The following FXR1 variants were observed in gnomAD, a reference collection of about 807,000 sequenced individuals.
FXR1 encodes FMR1 autosomal homolog 1.
FXR1 carries 15 observed loss-of-function variants against 84.0 expected under a neutral mutation model. That is an observed-to-expected ratio of 0.18 (90% CI 0.12 to 0.27). The LOEUF (loss-of-function observed/expected upper bound fraction) is 0.27, where lower values mean the gene tolerates loss of function less well. Ranked by LOEUF, FXR1 falls within the 10% of genes least tolerant of loss-of-function variation. The pLI, the probability that FXR1 is intolerant of heterozygous loss-of-function variation, is 1.00. For synonymous variants in FXR1, 245 were observed against 250.7 expected (o/e 0.98, Z 0.21); for missense variants, 480 against 774.4 (o/e 0.62, Z 4.51).
At chr3:180,976,015 T>TTAATTA (rs2108500043) in intron 16 of FXR1, 107 bp from the exon 17 acceptor site, 2 of 794,568 alleles carry the variant, frequency 2.5e-6, no homozygotes, top group South Asian at 3.8e-5. Context: ...TTGTGGTATA[T>TTAATTA]AAAACTGAAA....
At chr3:180,938,090 A>G (rs1263309670) in intron 3 of FXR1, among the ~76,000 whole-genome samples, 13 of 152,226 alleles carry the variant, frequency 8.5e-5, no homozygotes, top group Admixed American at 8.5e-4. Flanking sequence ...TAACCACCTC[A>G]AAATTATTTG....
At position 180,976,769 on chromosome 3, in the gene FXR1, T is replaced by C. The variant is rs1363810605; in HGVS notation, c.*477T>C. The C allele has an allele frequency of 6.5e-6, 1 of 152,766 alleles. No individual in the cohort carries two copies. Among genetic ancestry groups the C allele is most frequent in the African/African-American group, 2.4e-5 (1 of 41,474 alleles). 9.5% of individuals were successfully genotyped at this position (152,766 alleles called of 1,614,324 possible). On this transcript the variant is annotated 3_prime_UTR_variant, in exon 17 of 17. Transcript: ENST00000357559. ...AGTTTAGTCTGGAAACTGGTCTGTTTTAATGTGTTTTTTAAATGCTGTATG... is the reference window on the plus strand; with the variant it reads ...AGTTTAGTCTGGAAACTGGTCTGTTCTAATGTGTTTTTTAAATGCTGTATG...
At chr3:180,914,717 C>A in intron 1 of FXR1, 2 of 806,322 alleles carry the variant, frequency 2.5e-6, no homozygotes, top group African/African-American at 1.9e-5. Context: ...GATCTCTATA[C>A]ATATCTACAA....
chr3:180,951,178 A>G (rs1376661531), intron 7 of FXR1, 120 bp from the exon 8 acceptor site: 2 of 616,158 alleles, frequency 3.2e-6, no homozygotes, highest in African/African-American at 1.9e-5. Context: ...AGCCATGATC[A>G]CGCCACTGCA....
At chr3:180,938,886 T>TTTTTTTA (rs534409540) in intron 3 of FXR1, among the ~76,000 whole-genome samples, 10 of 151,908 alleles carry the variant, frequency 6.6e-5, no homozygotes, top group South Asian at 2.1e-4. Flanking sequence ...TCTTAGGCAA[T>TTTTTTTA]TTTTTTATTT....
chr3:180,967,962 T>C, intron 13 of FXR1, 89 bp from the exon 14 acceptor site: 1 of 843,916 alleles, frequency 1.2e-6, no homozygotes, highest in South Asian at 1.4e-5. Flanking sequence ...TATTGCTTAT[T>C]TAAACAATAA....
intron 1 of FXR1, among the ~76,000 whole-genome samples, chr3:180,931,937 CACTGTCTT>C (rs2108441895): frequency 5.9e-5 from 9 of 151,532 alleles, no homozygotes; most frequent in Admixed American, 5.9e-4. Flanking sequence ...GATGGGATTC[CACTGTCTT>C]GCCTAGGATG....
chr3:180,963,100 AATTTTTTT>A lies in FXR1; in HGVS notation c.1198+11_1198+18del. On this transcript the variant is annotated intron_variant, in intron 13 of 16. Coordinates refer to ENST00000357559, the MANE Select transcript of FXR1 (RefSeq NM_005087.4). Reference sequence around the variant, plus strand: ...TACACCTCCGGTTATGGTAAAAAAAAATTTTTTTTTTTTTTTTTTGGTAATAGTAATAA... The same window carrying A: ...TACACCTCCGGTTATGGTAAAAAAAATTTTTTTTTTTGGTAATAGTAATAA... 1 of 1,278,676 alleles carries A rather than the reference AATTTTTTT, an allele frequency of 7.8e-7. No individual in the cohort carries two copies. Among genetic ancestry groups the A allele is most frequent in the Non-Finnish European group, 1.1e-6 (1 of 902,330 alleles). 79.2% of individuals were successfully genotyped at this position (1,278,676 alleles called of 1,614,324 possible). A position where few individuals can be genotyped will look rare whatever the true frequency, so the allele number is the denominator to read the frequency against.
rs1224214629 is a variant in FXR1 at position 180,937,606 on chromosome 3, AT to A, written c.198+2383del. Among the ~76,000 whole-genome samples the A allele has an allele frequency of 9.2e-5, 14 of 151,908 alleles. No homozygotes were observed. The East Asian group carries it at 1.4e-3, about 15-fold the overall frequency. On this transcript the variant is annotated intron_variant, in intron 3 of 16. Coordinates refer to ENST00000357559, the MANE Select transcript of FXR1 (RefSeq NM_005087.4). ...AGTCATTATCTGAAATTAAAATGTG[AT>A]TTTTTTTCACTTTTGAAAAATTTAA...
rs547312639 is a variant in FXR1, at chr3:180,974,292, G to T, written c.1604-1021G>T. Among the ~76,000 whole-genome samples, 7 of 151,950 alleles carry T rather than the reference G, an allele frequency of 4.6e-5. 1 individual carries two copies. The East Asian group carries it at 1.4e-3, about 30-fold the overall frequency. On this transcript the variant is annotated intron_variant, in intron 15 of 16. Transcript: ENST00000357559. The stretch of plus-strand genomic sequence containing the variant: ...TCTTGCCTCAGCCTCCCAGGTAGCT[G>T]GAATTACAGGCTGTGTCACCACGCC...
Position 180,968,085 on chromosome 3 carries a change from G to T in FXR1, c.1233G>T (p.Thr411=). The T allele has an allele frequency of 6.2e-7, 1 of 1,613,334 alleles. No homozygotes were observed. Among genetic ancestry groups the T allele is most frequent in the Non-Finnish European group, 8.5e-7 (1 of 1,179,332 alleles). The change falls in exon 14 of 17, where the codon ACG becomes ACT. Residue 411 remains threonine, a synonymous_variant. Coordinates refer to ENST00000357559, the MANE Select transcript of FXR1 (RefSeq NM_005087.4). ...TNSELSNPSE[T]ESERKDELSD... ...CTGAGCTGTCTAACCCCTCTGAAACGGAATCTGAGCGTAAAGACGAGCTGA... is the reference window on the plus strand; with the variant it reads ...CTGAGCTGTCTAACCCCTCTGAAACTGAATCTGAGCGTAAAGACGAGCTGA...
chr3:180,958,727 G>T (rs1350800980), intron 10 of FXR1, among the ~76,000 whole-genome samples: 1 of 151,674 alleles, frequency 6.6e-6, no homozygotes, highest in East Asian at 1.9e-4. Context: ...CTATTTTATA[G>T]AATCTGAAAG....
In FXR1 at chr3:180,961,460, TTA is replaced by T; in HGVS notation, c.991-7_991-6del. On this transcript the variant is annotated splice_region_variant and splice_polypyrimidine_tract_variant and intron_variant, in intron 10 of 16. Coordinates refer to ENST00000357559, the MANE Select transcript of FXR1 (RefSeq NM_005087.4). The stretch of plus-strand genomic sequence containing the variant: ...AAACACTGAATACTTTTTTTTTTTT[TTA>T]AACAGGGTATGGTTCCATTTGTATT... The T allele has an allele frequency of 6.8e-7, 1 of 1,468,598 alleles. No homozygotes were observed. The highest frequency in any genetic ancestry group is 9.5e-7 in the Non-Finnish European group (1 of 1,055,944). The allele number at this position is 1,468,598 out of a possible 1,614,324, so 91.0% of individuals were successfully genotyped here. A position where few individuals can be genotyped will look rare whatever the true frequency, so the allele number is the denominator to read the frequency against.
intron 3 of FXR1, among the ~76,000 whole-genome samples, chr3:180,946,319 T>C (rs553601268): frequency 2.4e-4 from 36 of 152,234 alleles, no homozygotes; most frequent in Admixed American, 4.6e-4. Context: ...TAGCTGAGAA[T>C]AACTGATGAA....
chr3:180,952,644 G>A (rs935143455), intron 8 of FXR1, among the ~76,000 whole-genome samples: 7 of 151,684 alleles, frequency 4.6e-5, no homozygotes, highest in African/African-American at 1.7e-4. Flanking sequence ...AGGCTGCTTT[G>A]AGTAGGCTTG....
chr3:180,967,479 A>C (rs964525757), intron 13 of FXR1, among the ~76,000 whole-genome samples: 73 of 152,118 alleles, frequency 4.8e-4, no homozygotes, highest in Non-Finnish European at 8.8e-5. Context: ...TATTGTACTA[A>C]TAATTTAGGT....
At position 180,926,825 on chromosome 3, in the gene FXR1, T is replaced by TA. The variant is rs544290385; in HGVS notation, c.52-6501dup. Among the ~76,000 whole-genome samples the TA allele has an allele frequency of 3.7e-4, 56 of 151,926 alleles. 1 individual carries two copies. The South Asian group carries it at 5.4e-3, about 15-fold the overall frequency. On this transcript the variant is annotated intron_variant, in intron 1 of 16. Transcript: ENST00000357559. ...ATGGTAGGAAGGCATCAGTGGGTCT[T>TA]AAAAAAAATCTAAAGTAACAGATGA... is the stretch of plus-strand genomic sequence containing the variant.
At chr3:180,927,642 C>A in intron 1 of FXR1, 1 of 564,702 alleles carries the variant, frequency 1.8e-6, no homozygotes, top group Non-Finnish European at 3.1e-6. Context: ...CTTTTTTCCC[C>A]CACAGGCCAT....
chr3:180,948,559 A>AG, intron 5 of FXR1, 64 bp downstream of exon 5: 1 of 1,244,878 alleles, frequency 8.0e-7, no homozygotes, highest in Admixed American at 2.0e-5. Flanking sequence ...GTCCTACAAA[A>AG]CATTTTCCCT....
Sources: allele counts gnomAD v4.1 joint callset (sites outside exome capture counted in the v4.1 genomes callset), GRCh38; gene constraint gnomAD v4.1.1; transcripts MANE v1.5; gene names NCBI Gene and HGNC (gene_info 2026-07-23, HGNC 2026-07-21).